Variants in KLHL13 observed in about 807,000 individuals in gnomAD.
The protein encoded by KLHL13 is kelch like family member 13.
A neutral mutation model predicts 37.1 loss-of-function variants in KLHL13; 10 were observed. The ratio of observed to expected loss-of-function variants is 0.27; its 90% CI spans 0.17 to 0.46. The LOEUF is 0.46. KLHL13 is among the 20% of genes least tolerant of loss of function. The pLI is 1.00. For missense variants in KLHL13, 360 were observed against 509.3 expected (o/e 0.71, Z 2.82); for synonymous variants, 163 against 181.2 (o/e 0.90, Z 0.81).
At chrX:117,922,124 G>A (rs964565085) in intron 2 of KLHL13, among the ~76,000 whole-genome samples, 1 of 111,231 alleles carries the variant, frequency 9.0e-6, no homozygotes, top group Non-Finnish European at 1.9e-5. Flanking sequence ...CTTATAAAAA[G>A]AGATGCCAAT....
intron 2 of KLHL13, among the ~76,000 whole-genome samples, chrX:117,929,794 A>C (rs1306118639): frequency 9.4e-6 from 1 of 105,951 alleles, no homozygotes; most frequent in East Asian, 2.9e-4. Flanking sequence ...AAAAAAAAAA[A>C]AAAAAAAAAA....
intron 2 of KLHL13, among the ~76,000 whole-genome samples, chrX:117,931,001 A>T (rs900552266): frequency 2.7e-5 from 3 of 112,146 alleles, no homozygotes; most frequent in African/African-American, 9.7e-5. Context: ...ATACTTCATC[A>T]ACATGACATT....
rs750755409 is a variant in KLHL13 at position 117,991,137 on chromosome X, T to TAAAAAAAAAAAAAAAAAAAA, written c.-55-45563_-55-45562insTTTTTTTTTTTTTTTTTTTT. Among the ~76,000 whole-genome samples, 63 of 83,833 alleles carry TAAAAAAAAAAAAAAAAAAAA rather than the reference T, an allele frequency of 7.5e-4. 1 individual carries two copies. The highest frequency in any genetic ancestry group is 4.4e-3 in the African/African-American group (59 of 13,282). The allele number at this position is 83,833 out of a possible 115,157, so 72.8% of individuals were successfully genotyped here. A position where few individuals can be genotyped will look rare whatever the true frequency, so the allele number is the denominator to read the frequency against. ...AAGGCTGGAAATTTTCATTAAAAAG[T>TAAAAAAAAAAAAAAAAAAAA]AAAAAAAAAAAAGTCTTATAAATGA... On this transcript the variant is annotated intron_variant, in intron 1 of 6. Coordinates refer to the KLHL13 transcript ENST00000371882.
At chrX:118,041,571 G>T (rs1202517417) in intron 1 of KLHL13, among the ~76,000 whole-genome samples, 1 of 111,390 alleles carries the variant, frequency 9.0e-6, no homozygotes, top group East Asian at 2.8e-4. Flanking sequence ...AAAGCTAGGG[G>T]AAGAAGTTAA....
intron 1 of KLHL13, among the ~76,000 whole-genome samples, chrX:117,963,827 A>C (rs977731945): frequency 9.3e-6 from 1 of 107,091 alleles, no homozygotes; most frequent in Non-Finnish European, 1.9e-5. Context: ...AGTGATGATG[A>C]GCATTACATA....
chrX:117,954,841 A>G (rs1168979621), intron 1 of KLHL13, among the ~76,000 whole-genome samples: 1 of 112,186 alleles, frequency 8.9e-6, no homozygotes, highest in East Asian at 2.8e-4. Context: ...AGAAGTCTCT[A>G]TATCTGCAGC....
chrX:118,067,746 CA>C (rs1403309433), intron 1 of KLHL13, among the ~76,000 whole-genome samples: 1 of 110,893 alleles, frequency 9.0e-6, no homozygotes, highest in East Asian at 2.8e-4. Flanking sequence ...GGAAGGTCTT[CA>C]GGGGCAATAA....
At chrX:117,919,625 T>C in exon 4 of KLHL13, 1 of 1,208,128 alleles carries the variant, frequency 8.3e-7, no homozygotes, top group Non-Finnish European at 1.1e-6. Context: ...AGAGAAAGCT[T>C]TGCAGTATAA....
chrX:118,049,866 G>A (rs2054595250), intron 1 of KLHL13, among the ~76,000 whole-genome samples: 1 of 111,018 alleles, frequency 9.0e-6, no homozygotes, highest in African/African-American at 3.3e-5. Flanking sequence ...CCTTTTCCTG[G>A]CCAAGTGCCA....
At chrX:118,052,215 C>T (rs933556881) in intron 1 of KLHL13, among the ~76,000 whole-genome samples, 13 of 110,557 alleles carry the variant, frequency 1.2e-4, no homozygotes, top group Admixed American at 9.6e-4. Context: ...ATGAAAAAAT[C>T]GTAAAAGAAG....
chrX:117,975,230 T>C (rs1223799574), upstream of KLHL13, among the ~76,000 whole-genome samples: 1 of 110,261 alleles, frequency 9.1e-6, no homozygotes, highest in East Asian at 2.8e-4. Flanking sequence ...ACACATCAAG[T>C]TTGAAATGTC....
At chrX:117,909,831 A>T in exon 5 of KLHL13, 1 of 1,200,449 alleles carries the variant, frequency 8.3e-7, no homozygotes, top group Non-Finnish European at 1.1e-6. Flanking sequence ...TATGTTCTTC[A>T]TTAATTTTGC....
chrX:117,919,226 G>A (rs1406639095), intron 4 of KLHL13, among the ~76,000 whole-genome samples: 1 of 112,040 alleles, frequency 8.9e-6, no homozygotes, highest in African/African-American at 3.2e-5. Flanking sequence ...CTTTCTCCAT[G>A]TTGGTCAGGC....
intron 1 of KLHL13, among the ~76,000 whole-genome samples, chrX:118,031,496 G>C (rs1407081827): frequency 1.2e-5 from 1 of 84,430 alleles, no homozygotes; most frequent in Non-Finnish European, 2.1e-5. Context: ...TATATATTTA[G>C]ATATATATAT....
At chrX:117,911,819 A>G (rs1330974668) in intron 4 of KLHL13, among the ~76,000 whole-genome samples, 1 of 112,117 alleles carries the variant, frequency 8.9e-6, no homozygotes, top group East Asian at 2.8e-4. Flanking sequence ...ACTCAAAAAG[A>G]ATTTGTGCTC....
intron 4 of KLHL13, among the ~76,000 whole-genome samples, chrX:117,914,992 A>G (rs1230120010): frequency 8.9e-6 from 1 of 111,935 alleles, no homozygotes; most frequent in Non-Finnish European, 1.9e-5. Flanking sequence ...ATGGCCGACC[A>G]TAAGCAACGG....
At chrX:117,981,451 T>C (rs1275734127) in intron 1 of KLHL13, among the ~76,000 whole-genome samples, 1 of 112,347 alleles carries the variant, frequency 8.9e-6, no homozygotes, top group Non-Finnish European at 1.9e-5. Flanking sequence ...TTCCTTTCTA[T>C]GTCTGTCTAC....
In KLHL13 at chrX:117,991,623, C is replaced by T. The variant is rs2053790567; in HGVS notation, c.-55-46048G>A. The stretch of plus-strand genomic sequence containing the variant: ...CCCTATTTCCCATTACAGGTAATCC[C>T]AGATTTGCACACAACTAAAAAACAC... On this transcript the variant is annotated intron_variant, in intron 1 of 6. Coordinates refer to the KLHL13 transcript ENST00000371882. Among the ~76,000 whole-genome samples, 6 of 110,739 alleles carry T rather than the reference C, an allele frequency of 5.4e-5. No individual in the cohort carries two copies. The Admixed American group carries it at 5.8e-4, about 11-fold the overall frequency.
chrX:118,027,787 G>A (rs975092467), intron 1 of KLHL13, among the ~76,000 whole-genome samples: 1 of 110,881 alleles, frequency 9.0e-6, no homozygotes, highest in Non-Finnish European at 1.9e-5. Flanking sequence ...GAATGACTAC[G>A]AAACTTGCCC....
Sources: gnomAD v4.1 joint callset for allele counts (sites outside exome capture counted in the v4.1 genomes callset) on GRCh38, gnomAD v4.1.1 for gene constraint, MANE v1.5 for transcripts, NCBI Gene and HGNC (gene_info 2026-07-23, HGNC 2026-07-21) for gene names.